Variants in SLC39A14 observed in about 807,000 individuals in gnomAD.
The protein encoded by SLC39A14 is metal cation symporter ZIP14.
In SLC39A14, 19 loss-of-function variants were observed where a neutral mutation model predicts 45.5. That is an observed-to-expected ratio of 0.42 (90% CI 0.29 to 0.61). The LOEUF (loss-of-function observed/expected upper bound fraction) is 0.61, where lower values mean the gene tolerates loss of function less well. Among genes scored for constraint, SLC39A14 ranks in the 20% least tolerant of loss-of-function variants. The probability of loss-of-function intolerance (pLI) is 0.22; values close to 1 mark genes in which losing one functional copy is unlikely to be tolerated. For synonymous variants in SLC39A14, 264 were observed against 251.3 expected, an observed-to-expected ratio of 1.05 and a Z score of -0.48; for missense variants, 447 against 616.5, an observed-to-expected ratio of 0.73 and a Z score of 2.91.
intron 4 of SLC39A14, 139 bp from the exon 5 acceptor site, chr8:22,414,641 G>A: frequency 1.2e-6 from 1 of 853,342 alleles, no homozygotes. Context: ...TTGCTGGAAA[G>A]AGGATGGGTA....
chr8:22,401,543 CTTTTTTT>C (rs71544899), intron 1 of SLC39A14, among the ~76,000 whole-genome samples: 17 of 84,054 alleles, frequency 2.0e-4, no homozygotes, highest in East Asian at 8.2e-4. Context: ...TCTTCTCTTT[CTTTTTTT>C]TTTTTTTTTT....
In SLC39A14 at chr8:22,408,370, A is replaced by G. The variant is rs755375986; in HGVS notation, c.331A>G (p.Ser111Gly). 6.2e-7 allele frequency: 1 copy of G among 1,614,164 alleles called. No homozygotes were observed. The highest frequency in any genetic ancestry group is 1.1e-5 in the South Asian group (1 of 91,084). ...TTTCAGCGAGCAGTCGCGGATTGGG[A>G]GCAGCGAGCTCCAGGAGTTCTGCCC... is the stretch of plus-strand genomic sequence containing the variant. The part of the protein sequence containing the change: ...HNFSEQSRIG[S>G]SELQEFCPTI... Residue 111 changes from serine to glycine, a missense_variant, in exon 3 of 9, where the codon AGC (serine) becomes GGC (glycine). By Grantham distance (56) the Ser-to-Gly change is moderately conservative. Transcript: ENST00000381237.
chr8:22,421,348 G>C lies in SLC39A14; in HGVS notation c.*1650G>C. 1.0e-6 allele frequency: 1 copy of C among 985,866 alleles called. No individual in the cohort carries two copies. Among genetic ancestry groups the C allele is most frequent in the Non-Finnish European group, 1.2e-6 (1 of 829,934 alleles). 61.1% of individuals were successfully genotyped at this position (985,866 alleles called of 1,614,324 possible). Reference sequence around the variant, plus strand: ...GTCAAACCAGGAATATTCTTGAAAAGAACGTGAGCAGGAAAAACTGCTGGT... The same window carrying C: ...GTCAAACCAGGAATATTCTTGAAAACAACGTGAGCAGGAAAAACTGCTGGT... On this transcript the variant is annotated 3_prime_UTR_variant, in exon 9 of 9. Transcript: ENST00000381237.
At chr8:22,374,054 G>A (rs917157321) in intron 1 of SLC39A14, among the ~76,000 whole-genome samples, 5 of 152,226 alleles carry the variant, frequency 3.3e-5, no homozygotes, top group Non-Finnish European at 7.3e-5. Context: ...CTAAAGGCGT[G>A]AGCCACCGTG....
chr8:22,396,904 T>G (rs564469140), intron 1 of SLC39A14, among the ~76,000 whole-genome samples: 21 of 152,204 alleles, frequency 1.4e-4, no homozygotes, highest in Middle Eastern at 3.4e-3. Flanking sequence ...TCCTTGCCTG[T>G]GGTTTTGAAG....
chr8:22,373,907 C>T (rs1015808782), intron 1 of SLC39A14, among the ~76,000 whole-genome samples: 10 of 152,124 alleles, frequency 6.6e-5, no homozygotes, highest in South Asian at 2.1e-4. Flanking sequence ...TGCAGACACG[C>T]GCCACCACGC....
intron 1 of SLC39A14, among the ~76,000 whole-genome samples, chr8:22,401,539 CTT>C (rs1478354009): frequency 8.6e-6 from 1 of 115,716 alleles, no homozygotes; most frequent in African/African-American, 3.4e-5. Context: ...TTTCTCTTCT[CTT>C]TCTTTTTTTT....
downstream of SLC39A14, among the ~76,000 whole-genome samples, chr8:22,423,608 T>A (rs1165118312): frequency 6.6e-6 from 1 of 152,144 alleles, no homozygotes; most frequent in Non-Finnish European, 1.5e-5. Flanking sequence ...GTGCTGGGAT[T>A]ACAGGCGTGA....
intron 3 of SLC39A14, among the ~76,000 whole-genome samples, chr8:22,409,731 T>C (rs1835456288): frequency 6.6e-6 from 1 of 152,190 alleles, no homozygotes; most frequent in African/African-American, 2.4e-5. Context: ...CGTCTCTCCA[T>C]GGAAAAGGTG....
At chr8:22,400,623 C>T (rs1235072618) in intron 1 of SLC39A14, among the ~76,000 whole-genome samples, 18 of 152,180 alleles carry the variant, frequency 1.2e-4, no homozygotes, top group Admixed American at 1.2e-3. Context: ...TACAAACCGT[C>T]GTTGTGGCTG....
chr8:22,420,196 A>T lies in SLC39A14; in HGVS notation c.*498A>T, dbSNP rs1346188828. On this transcript the variant is annotated 3_prime_UTR_variant, in exon 9 of 9. Transcript: ENST00000381237. Reference sequence around the variant, plus strand: ...AGACAGGAAGCCTTCCCATTTTTTCAAAGTCTGTTTAATTGCCTATTACTT... The same window carrying T: ...AGACAGGAAGCCTTCCCATTTTTTCTAAGTCTGTTTAATTGCCTATTACTT... The T allele has an allele frequency of 1.0e-6, 1 of 986,064 alleles. No individual in the cohort carries two copies. Among genetic ancestry groups the T allele is most frequent in the Non-Finnish European group, 1.2e-6 (1 of 830,432 alleles). The allele number at this position is 986,064 out of a possible 1,614,324, so 61.1% of individuals were successfully genotyped here.
intron 1 of SLC39A14, among the ~76,000 whole-genome samples, chr8:22,373,144 T>G (rs1340802747): frequency 6.6e-6 from 1 of 151,640 alleles, no homozygotes; most frequent in Non-Finnish European, 1.5e-5. Context: ...ACGCCTGTAG[T>G]CCCAGCTACT....
At chr8:22,427,923 C>T (rs1836411190) in intron 8 of SLC39A14, among the ~76,000 whole-genome samples, 1 of 151,714 alleles carries the variant, frequency 6.6e-6, no homozygotes, top group African/African-American at 2.4e-5. Context: ...AATCCCAGTG[C>T]ATTGGGAGAT....
At chr8:22,429,645 G>A (rs763872963) in intron 8 of SLC39A14, among the ~76,000 whole-genome samples, 9 of 152,206 alleles carry the variant, frequency 5.9e-5, no homozygotes, top group Non-Finnish European at 1.0e-4. Context: ...GGAGGTAGAC[G>A]AGAAGGGAAT....
At chr8:22,376,516 C>G (rs1466345021) in intron 1 of SLC39A14, among the ~76,000 whole-genome samples, 4 of 151,698 alleles carry the variant, frequency 2.6e-5, no homozygotes, top group Non-Finnish European at 4.4e-5. Flanking sequence ...TGACATTTAT[C>G]TAGATTGGCT....
Position 22,367,411 on chromosome 8 carries a change from G to C in SLC39A14, c.-16+3G>C, listed in dbSNP as rs1174882206. On this transcript the variant is annotated splice_donor_region_variant and intron_variant, in intron 1 of 8. Transcript: ENST00000381237. This position sits in a 1 kb window ranked among gnomAD's most constrained non-coding sequence, Gnocchi z 4.2. The stretch of plus-strand genomic sequence containing the variant: ...CCGAGGCCGCCTCCGAGCGCCAGGT[G>C]AGGGCGGGGACGCCAAGGGCCGCGG... 2.6e-5 allele frequency: 4 copies of C among 152,324 alleles called. No individual in the cohort carries two copies. The allele number at this position is 152,324 out of a possible 1,614,324, so 9.4% of individuals were successfully genotyped here.
chr8:22,405,781 C>T (rs941191567), intron 2 of SLC39A14, among the ~76,000 whole-genome samples: 7 of 151,958 alleles, frequency 4.6e-5, no homozygotes, highest in Non-Finnish European at 8.8e-5. Flanking sequence ...AGGGCTGGAA[C>T]GCCAGGTCTT....
chr8:22,400,097 C>T (rs758503092), intron 1 of SLC39A14, among the ~76,000 whole-genome samples: 3 of 152,194 alleles, frequency 2.0e-5, no homozygotes, highest in African/African-American at 4.8e-5. Context: ...CACAGAGACA[C>T]GCAGGACTTT....
At position 22,419,713 on chromosome 8, in the gene SLC39A14, C is replaced by T. The variant is rs777974202; in HGVS notation, c.*15C>T. The T allele has an allele frequency of 6.4e-7, 1 of 1,571,646 alleles. No individual in the cohort carries two copies. Among genetic ancestry groups the T allele is most frequent in the South Asian group, 1.2e-5 (1 of 85,078 alleles). On this transcript the variant is annotated 3_prime_UTR_variant, in exon 9 of 9. Coordinates refer to ENST00000381237, the MANE Select transcript of SLC39A14 (RefSeq NM_001128431.4). ...AGATTGGGTAGGGCTCTGCCAAGAG[C>T]CTGTGGGACTGGAAGTCGGGCCCTG... is the stretch of plus-strand genomic sequence containing the variant.
Sources: allele counts gnomAD v4.1 joint callset (sites outside exome capture counted in the v4.1 genomes callset), GRCh38; gene constraint gnomAD v4.1.1; non-coding constraint Gnocchi (gnomAD v3.1); transcripts MANE v1.5; gene names NCBI Gene and HGNC (gene_info 2026-07-23, HGNC 2026-07-21).